The following EFR3A variants were observed in gnomAD, a reference collection of about 807,000 sequenced individuals.
EFR3A encodes the protein protein EFR3 homolog A.
A neutral mutation model predicts 104.4 loss-of-function variants in EFR3A; 76 were observed. The ratio of observed to expected loss-of-function variants is 0.73; its 90% CI spans 0.60 to 0.88. EFR3A has a LOEUF of 0.88. Ranked by LOEUF, EFR3A falls within the 40% of genes least tolerant of loss-of-function variation. The pLI, the probability that EFR3A is intolerant of heterozygous loss-of-function variation, is 0.00. For synonymous variants in EFR3A, 330 were observed against 330.0 expected (o/e 1.00, Z 0.00); for missense variants, 985 against 1,012.5 (o/e 0.97, Z 0.37).
intron 4 of EFR3A, among the ~76,000 whole-genome samples, chr8:131,947,970 A>G (rs1371535058): frequency 1.3e-5 from 2 of 152,248 alleles, no homozygotes; most frequent in Non-Finnish European, 2.9e-5. Context: ...TTGGGAAAGC[A>G]TACCTACTTT....
At chr8:131,936,596 C>T (rs1175526204) in intron 1 of EFR3A, among the ~76,000 whole-genome samples, 1 of 152,050 alleles carries the variant, frequency 6.6e-6, no homozygotes, top group Non-Finnish European at 1.5e-5. Context: ...GTTGTTTTAC[C>T]TGTGCTTCTG....
At chr8:131,983,194 G>A (rs1563689443) in intron 14 of EFR3A, among the ~76,000 whole-genome samples, 1 of 152,172 alleles carries the variant, frequency 6.6e-6, no homozygotes, top group Non-Finnish European at 1.5e-5. Context: ...TAAGCCTAAA[G>A]TCTCTCCACA....
intron 1 of EFR3A, among the ~76,000 whole-genome samples, chr8:131,933,726 T>G (rs1817734191): frequency 6.6e-6 from 1 of 152,016 alleles, no homozygotes; most frequent in African/African-American, 2.4e-5. Context: ...TTAAAACTTT[T>G]TAAATTAAAA....
chr8:131,959,535 A>T, intron 7 of EFR3A, 50 bp from the exon 8 acceptor site: 1 of 1,482,592 alleles, frequency 6.7e-7, no homozygotes, highest in Non-Finnish European at 9.3e-7. Context: ...TTCTAGAGGA[A>T]GAAAGTATAG....
intron 18 of EFR3A, among the ~76,000 whole-genome samples, chr8:131,995,856 G>A (rs1821452460): frequency 6.6e-6 from 1 of 152,126 alleles, no homozygotes; most frequent in Non-Finnish European, 1.5e-5. Flanking sequence ...TGATGGAGAT[G>A]ACTGAATGGA....
intron 1 of EFR3A, among the ~76,000 whole-genome samples, chr8:131,914,000 T>C (rs892250514): frequency 1.2e-4 from 18 of 152,350 alleles, no homozygotes; most frequent in African/African-American, 4.1e-4. Context: ...CCTACGCATA[T>C]TTAGATGTAA....
chr8:131,963,398 G>A (rs1341215247), intron 8 of EFR3A, among the ~76,000 whole-genome samples: 2 of 152,136 alleles, frequency 1.3e-5, no homozygotes, highest in South Asian at 2.1e-4. Flanking sequence ...TATCACCACC[G>A]ATCCCACAGA....
At chr8:131,921,686 T>A (rs1817034966) in intron 1 of EFR3A, among the ~76,000 whole-genome samples, 2 of 152,190 alleles carry the variant, frequency 1.3e-5, no homozygotes, top group African/African-American at 2.4e-5. Context: ...TGAAAAAGAT[T>A]GGTAAAATTG....
chr8:131,908,399 G>A (rs536330462), intron 1 of EFR3A, among the ~76,000 whole-genome samples: 11 of 152,120 alleles, frequency 7.2e-5, no homozygotes, highest in Non-Finnish European at 1.3e-4. Context: ...CAACAGTTAC[G>A]GTGGCTTTTT....
chr8:131,954,057 C>T (rs1818850036), intron 6 of EFR3A, 90 bp downstream of exon 6: 3 of 1,255,460 alleles, frequency 2.4e-6, no homozygotes, highest in South Asian at 2.0e-5. Context: ...GTCTTTAGTA[C>T]TCTGTAAACA....
At chr8:131,949,398 C>T (rs978833161) in intron 4 of EFR3A, among the ~76,000 whole-genome samples, 12 of 152,110 alleles carry the variant, frequency 7.9e-5, no homozygotes, top group African/African-American at 2.7e-4. Flanking sequence ...TAATTCGAAG[C>T]TTGTGTTCTT....
intron 9 of EFR3A, among the ~76,000 whole-genome samples, chr8:131,969,536 T>A (rs941087486): frequency 6.6e-6 from 1 of 151,516 alleles, no homozygotes; most frequent in African/African-American, 2.4e-5. Flanking sequence ...TTTTTTTTTT[T>A]ATCGTGGGTT....
intron 18 of EFR3A, among the ~76,000 whole-genome samples, chr8:131,994,159 C>T (rs1443477279): frequency 6.6e-6 from 1 of 151,986 alleles, no homozygotes; most frequent in East Asian, 1.9e-4. Context: ...GGGAGAATCA[C>T]GTGAGCCCAA....
intron 22 of EFR3A, among the ~76,000 whole-genome samples, chr8:132,009,755 A>T (rs940441762): frequency 1.6e-4 from 25 of 152,222 alleles, no homozygotes; most frequent in African/African-American, 6.0e-4. Flanking sequence ...ACTAGAATTA[A>T]TACAGGAGTA....
chr8:132,002,523 C>T, intron 20 of EFR3A, 80 bp from the exon 21 acceptor site: 1 of 1,153,984 alleles, frequency 8.7e-7, no homozygotes, highest in Non-Finnish European at 1.2e-6. Context: ...GATGATATAT[C>T]ATTAACTCTT....
chr8:131,966,214 A>T (rs184120903), intron 8 of EFR3A, among the ~76,000 whole-genome samples: 2 of 151,896 alleles, frequency 1.3e-5, no homozygotes, highest in Non-Finnish European at 1.5e-5. Flanking sequence ...GTTTAATAAA[A>T]AAATAAATAA....
intron 1 of EFR3A, among the ~76,000 whole-genome samples, chr8:131,920,721 G>T (rs2130440002): frequency 6.6e-6 from 1 of 151,942 alleles, no homozygotes; most frequent in East Asian, 1.9e-4. Context: ...TCTCAGAAAG[G>T]CAGTATAGTG....
chr8:131,983,744 C>T (rs1190089937), intron 14 of EFR3A, among the ~76,000 whole-genome samples: 4 of 152,276 alleles, frequency 2.6e-5, no homozygotes, highest in Admixed American at 6.5e-5. Flanking sequence ...TACATTTCCT[C>T]TCAGTACAAT....
Position 131,955,777 on chromosome 8 carries a change from C to A in EFR3A, c.648C>A (p.Gly216=). The change falls in exon 7 of 23, where the codon GGC becomes GGA. Residue 216 remains glycine (G), a synonymous_variant. Transcript: ENST00000254624. Reference sequence around the variant, plus strand: ...TCTCGTTCCTTTTTAGTCGCATAGGCCCTCCTTCTTCTCCTTCTGCAACTG... The same window carrying A: ...TCTCGTTCCTTTTTAGTCGCATAGGACCTCCTTCTTCTCCTTCTGCAACTG... The part of the protein sequence containing the change: ...QKIEEVDSRI[G]PPSSPSATDK... 6.2e-7 allele frequency: 1 copy of A among 1,612,444 alleles called. No homozygotes were observed. Among genetic ancestry groups the A allele is most frequent in the Non-Finnish European group, 8.5e-7 (1 of 1,178,988 alleles).
Sources: allele counts gnomAD v4.1 joint callset (sites outside exome capture counted in the v4.1 genomes callset), GRCh38; gene constraint gnomAD v4.1.1; transcripts MANE v1.5; gene names NCBI Gene and HGNC (gene_info 2026-07-23, HGNC 2026-07-21).